The following SHROOM2 variants were observed in gnomAD, a reference collection of about 807,000 sequenced individuals.
The protein encoded by SHROOM2 is protein Shroom2.
Under a neutral mutation model 75.9 loss-of-function variants are expected in SHROOM2, and 33 were observed. The observed-to-expected ratio is 0.43, with a 90% confidence interval of 0.33 to 0.58. The LOEUF (loss-of-function observed/expected upper bound fraction) is 0.58, where lower values mean the gene tolerates loss of function less well. SHROOM2 is among the 20% of genes least tolerant of loss of function. The pLI is 0.04. For missense variants in SHROOM2, 1,434 were observed against 1,461.2 expected (o/e 0.98, Z 0.30); for synonymous variants, 655 against 663.6 (o/e 0.99, Z 0.20).
At chrX:9,929,558 T>G (rs900039907) in intron 5 of SHROOM2, among the ~76,000 whole-genome samples, 1 of 111,940 alleles carries the variant, frequency 8.9e-6, no homozygotes, top group Non-Finnish European at 1.9e-5. Flanking sequence ...CATTGTTCAC[T>G]TCTCACAGGG....
intron 1 of SHROOM2, among the ~76,000 whole-genome samples, chrX:9,832,992 G>A (rs2083924218): frequency 9.0e-6 from 1 of 111,351 alleles, no homozygotes. Flanking sequence ...AGTCACAGAG[G>A]GGAGATGAGA....
At chrX:9,816,298 C>T (rs200688662) in intron 1 of SHROOM2, among the ~76,000 whole-genome samples, 4 of 112,419 alleles carry the variant, frequency 3.6e-5, no homozygotes, top group East Asian at 2.8e-4. Context: ...CCTCAGTGCC[C>T]CAGGCATAGC....
At chrX:9,889,664 G>T (rs1418248974) in intron 2 of SHROOM2, among the ~76,000 whole-genome samples, 3 of 112,225 alleles carry the variant, frequency 2.7e-5, no homozygotes, top group African/African-American at 9.7e-5. Flanking sequence ...TGGCGGGGGA[G>T]CCCAGGAAAG....
intron 5 of SHROOM2, among the ~76,000 whole-genome samples, chrX:9,922,878 C>G (rs1057039879): frequency 1.8e-5 from 2 of 111,513 alleles, no homozygotes; most frequent in East Asian, 5.6e-4. Flanking sequence ...TAGCTGTCCT[C>G]AGCTTTTGAT....
In SHROOM2 at chrX:9,944,629, C is replaced by G. The variant is rs3815017; in HGVS notation, c.4312-12C>G. The G allele has an allele frequency of 1.7e-6, 2 of 1,198,091 alleles. No homozygotes were observed. The highest frequency in any genetic ancestry group is 3.0e-5 in the East Asian group (1 of 33,334). On this transcript the variant is annotated splice_polypyrimidine_tract_variant and intron_variant, in intron 8 of 9. Transcript: ENST00000380913. ...GTGTCTCCGTGTTCCCTTGCCATCCCGTGCCCAACAGCAGGAGCTCATCGA... is the reference window on the plus strand; with the variant it reads ...GTGTCTCCGTGTTCCCTTGCCATCCGGTGCCCAACAGCAGGAGCTCATCGA...
At chrX:9,791,118 T>C (rs145163590) in intron 1 of SHROOM2, among the ~76,000 whole-genome samples, 3,069 of 110,587 alleles carry the variant, frequency 0.028, 105 homozygotes, top group African/African-American at 0.096. Context: ...TTTCTTAACA[T>C]GTCGTAACAT....
chrX:9,925,620 G>A (rs990260584), intron 5 of SHROOM2, among the ~76,000 whole-genome samples: 4 of 112,484 alleles, frequency 3.6e-5, no homozygotes, highest in African/African-American at 9.7e-5. Flanking sequence ...AGATAATTGT[G>A]CTCTGTGCAC....
rs1161397703 is a variant in SHROOM2, at chrX:9,948,375, G to A, written c.*1438G>A. 1.8e-5 allele frequency: 2 copies of A among 112,911 alleles called. No individual in the cohort carries two copies. The highest frequency in any genetic ancestry group is 6.4e-5 in the African/African-American group (2 of 31,109). The allele number at this position is 112,911 out of a possible 1,213,427, so 9.3% of individuals were successfully genotyped here. A position where few individuals can be genotyped will look rare whatever the true frequency, so the allele number is the denominator to read the frequency against. ...TTAATGGTGAGTGAATCCCTTGGGT[G>A]ACTTCGTGTTTAGGTCGTATTAGGG... On this transcript the variant is annotated 3_prime_UTR_variant, in exon 10 of 10. Coordinates refer to ENST00000380913, the MANE Select transcript of SHROOM2 (RefSeq NM_001649.4).
At chrX:9,932,082 G>A in intron 5 of SHROOM2, 93 bp from the exon 6 acceptor site, 1 of 850,320 alleles carries the variant, frequency 1.2e-6, no homozygotes, top group Non-Finnish European at 1.6e-6. Flanking sequence ...CCTGAAAGTG[G>A]CTTAAGGGGA....
Position 9,938,933 on chromosome X carries a change from C to T in SHROOM2, c.4140-262C>T, listed in dbSNP as rs1370225127. Among the ~76,000 whole-genome samples the T allele has an allele frequency of 3.6e-5, 4 of 112,672 alleles. No homozygotes were observed. The East Asian group carries it at 8.3e-4, about 23-fold the overall frequency. On this transcript the variant is annotated intron_variant, in intron 7 of 9. Transcript: ENST00000380913. ...TGCTCTCACCTCTGTAGCAGAGATT[C>T]TTAGATATTCCTGCTTATTTGAGTT...
intron 5 of SHROOM2, among the ~76,000 whole-genome samples, chrX:9,911,728 C>T (rs1367075113): frequency 9.0e-6 from 1 of 111,587 alleles, no homozygotes; most frequent in Non-Finnish European, 1.9e-5. Context: ...CTCAAAGTTC[C>T]GGAAACGCTT....
At position 9,786,572 on chromosome X, in the gene SHROOM2, G is replaced by A. The variant is rs1242553091; in HGVS notation, c.27G>A (p.Arg9=). 2.3e-6 allele frequency: 2 copies of A among 859,277 alleles called. No individual in the cohort carries two copies. The highest frequency in any genetic ancestry group is 4.3e-5 in the African/African-American group (2 of 46,227). The allele number at this position is 859,277 out of a possible 1,213,427, so 70.8% of individuals were successfully genotyped here. A position where few individuals can be genotyped will look rare whatever the true frequency, so the allele number is the denominator to read the frequency against. The stretch of plus-strand genomic sequence containing the variant: ...TGGAGGGCGCCGAGCCCCGCGCGCG[G>A]CCCGAGCGCCTGGCCGAGGCCGAGA... The part of the protein sequence containing the change: MEGAEPRA[R]PERLAEAETR... Residue 9 remains arginine (R), a synonymous_variant, in exon 1 of 10, where the codon CGG becomes CGA. Coordinates refer to ENST00000380913, the MANE Select transcript of SHROOM2 (RefSeq NM_001649.4).
intron 1 of SHROOM2, among the ~76,000 whole-genome samples, chrX:9,855,888 A>G (rs1258960115): frequency 9.0e-6 from 1 of 111,654 alleles, no homozygotes; most frequent in African/African-American, 3.3e-5. Context: ...CCATCCTGGC[A>G]GAAGGTTGCA....
At chrX:9,945,548 T>C (rs1430149130) in intron 9 of SHROOM2, among the ~76,000 whole-genome samples, 4 of 112,381 alleles carry the variant, frequency 3.6e-5, no homozygotes, top group African/African-American at 1.3e-4. Context: ...TATTGACTCT[T>C]ACTGATAATT....
intron 1 of SHROOM2, among the ~76,000 whole-genome samples, chrX:9,844,022 G>A (rs369946819): frequency 9.4e-4 from 106 of 112,482 alleles, no homozygotes; most frequent in Middle Eastern, 4.6e-3. Flanking sequence ...CTTTGATGAT[G>A]AAATTTCTTT....
intron 1 of SHROOM2, among the ~76,000 whole-genome samples, chrX:9,809,731 C>T (rs762230429): frequency 1.3e-3 from 149 of 112,631 alleles, no homozygotes; most frequent in South Asian, 2.9e-3. Flanking sequence ...TGCAGTGGCA[C>T]GATCTCAGCT....
intron 8 of SHROOM2, among the ~76,000 whole-genome samples, chrX:9,940,211 C>T: frequency 8.9e-6 from 1 of 112,200 alleles, no homozygotes; most frequent in East Asian, 2.8e-4. Context: ...GCACATTCCT[C>T]TTTTAAAAAA....
rs200243509 is a variant in SHROOM2, at chrX:9,932,812, G to A, written c.3529G>A (p.Ala1177Thr). ...ETSRSPSPQFAPQKLTDKPPL... is the reference protein window; with the variant it reads ...ETSRSPSPQFTPQKLTDKPPL... ...CTCGCGCTCCCCCTCGCCCCAGTTCGCCCCCCAGAAACTGACGGACAAACC... is the reference window on the plus strand; with the variant it reads ...CTCGCGCTCCCCCTCGCCCCAGTTCACCCCCCAGAAACTGACGGACAAACC... Residue 1177 changes from alanine (A) to threonine (T), a missense_variant, in exon 6 of 10, where the codon GCC becomes ACC. This residue lies in a region of SHROOM2 where 1,340 missense variants were observed against 1,338.3 expected (regional missense o/e 1.00). Transcript: ENST00000380913. 21 of 1,204,371 alleles carry A rather than the reference G, an allele frequency of 1.7e-5. No individual in the cohort carries two copies. Among genetic ancestry groups the A allele is most frequent in the Middle Eastern group, 2.3e-4 (1 of 4,341 alleles).
intron 1 of SHROOM2, among the ~76,000 whole-genome samples, chrX:9,797,195 C>G (rs190310233): frequency 8.9e-6 from 1 of 112,180 alleles, no homozygotes; most frequent in African/African-American, 3.2e-5. Flanking sequence ...GGCCTCCTGA[C>G]GCTTCTACCC....
Sources: gnomAD v4.1 joint callset for allele counts (sites outside exome capture counted in the v4.1 genomes callset) on GRCh38, gnomAD v4.1.1 for gene constraint, gnomAD v4.1.1 regional missense constraint, MANE v1.5 for transcripts, NCBI Gene and HGNC (gene_info 2026-07-23, HGNC 2026-07-21) for gene names.